The following ASTN1 variants were observed in gnomAD, a reference collection of about 807,000 sequenced individuals.
ASTN1 encodes the protein astrotactin 1.
A neutral mutation model predicts 140.7 loss-of-function variants in ASTN1; 41 were observed. The observed-to-expected ratio is 0.29, with a 90% confidence interval of 0.23 to 0.38. The LOEUF is 0.38. Among genes scored for constraint, ASTN1 ranks in the 10% least tolerant of loss-of-function variants. The pLI is 1.00. For missense variants in ASTN1, 1,479 were observed against 1,678.8 expected, an observed-to-expected ratio of 0.88 and a Z score of 2.08; for synonymous variants, 640 against 652.2, an observed-to-expected ratio of 0.98 and a Z score of 0.29.
intron 2 of ASTN1, among the ~76,000 whole-genome samples, chr1:177,046,344 C>T (rs1005574509): frequency 3.3e-5 from 5 of 152,208 alleles, no homozygotes; most frequent in Non-Finnish European, 5.9e-5. Flanking sequence ...TCACAATTTT[C>T]AGCACTTTAC....
At position 176,863,274 on chromosome 1, in the gene ASTN1, A is replaced by G. The variant is rs1668025055; in HGVS notation, c.*1010T>C. ...GATGAACAGAAGTTTTTTGTGATCA[A>G]TAATAGCTTTAGTTCACTGTAACAC... On this transcript the variant is annotated 3_prime_UTR_variant, in exon 23 of 23. Transcript: ENST00000361833. The G allele has an allele frequency of 3.0e-6, 3 of 985,888 alleles. No individual in the cohort carries two copies. The highest frequency in any genetic ancestry group is 3.6e-6 in the Non-Finnish European group (3 of 829,934). 61.1% of individuals were successfully genotyped at this position (985,888 alleles called of 1,614,324 possible). A position where few individuals can be genotyped will look rare whatever the true frequency, so the allele number is the denominator to read the frequency against.
intron 14 of ASTN1, among the ~76,000 whole-genome samples, chr1:176,942,757 T>C (rs1453314287): frequency 6.9e-6 from 1 of 145,576 alleles, no homozygotes; most frequent in African/African-American, 2.5e-5. Context: ...TCTTAGAGTC[T>C]TCCTGCCTTT....
chr1:177,025,590 C>A (rs1047552438), intron 5 of ASTN1, among the ~76,000 whole-genome samples: 1 of 151,636 alleles, frequency 6.6e-6, no homozygotes, highest in African/African-American at 2.4e-5. Context: ...ATGTGTGGGT[C>A]TTTTGGAATT....
chr1:177,131,307 C>G (rs150208077), intron 1 of ASTN1, among the ~76,000 whole-genome samples: 43 of 152,226 alleles, frequency 2.8e-4, no homozygotes, highest in African/African-American at 1.0e-3. Context: ...AAAAAGAACT[C>G]TGTTATACCA....
chr1:176,919,978 G>A lies in ASTN1; in HGVS notation c.2671+14174C>T, dbSNP rs114528814. On this transcript the variant is annotated intron_variant, in intron 16 of 22. Coordinates refer to ENST00000361833, the MANE Select transcript of ASTN1 (RefSeq NM_004319.3). ...ACATATTTTAACTGGCAGATTTATCGAGAAATTGAGCTGGAGAAATGCTTC... is the reference window on the plus strand; with the variant it reads ...ACATATTTTAACTGGCAGATTTATCAAGAAATTGAGCTGGAGAAATGCTTC... 3.1e-3 allele frequency among the ~76,000 whole-genome samples: 479 copies of A among 152,324 alleles called. 1 individual carries two copies. The highest frequency in any genetic ancestry group is 0.011 in the African/African-American group (460 of 41,544).
chr1:177,148,640 T>A (rs916847353), intron 1 of ASTN1, among the ~76,000 whole-genome samples: 8 of 151,728 alleles, frequency 5.3e-5, no homozygotes, highest in Non-Finnish European at 1.0e-4. Context: ...CTTTTTTTTT[T>A]AATGCACTAG....
intron 22 of ASTN1, among the ~76,000 whole-genome samples, chr1:176,868,572 A>T (rs546787364): frequency 7.2e-4 from 110 of 152,344 alleles, no homozygotes; most frequent in Non-Finnish European, 1.2e-3. Flanking sequence ...TTTGGAATGC[A>T]ATGTCAACAT....
At position 176,934,035 on chromosome 1, in the gene ASTN1, A is replaced by G. The variant is rs7513267; in HGVS notation, c.2671+117T>C. 14,007 of 1,109,908 alleles carry G rather than the reference A, an allele frequency of 0.013. 1,191 individuals are homozygous for G. In the African/African-American group the frequency reaches 0.19, roughly 15 times the overall value. The allele number at this position is 1,109,908 out of a possible 1,614,324, so 68.8% of individuals were successfully genotyped here. A position where few individuals can be genotyped will look rare whatever the true frequency, so the allele number is the denominator to read the frequency against. On this transcript the variant is annotated intron_variant, in intron 16 of 22. Coordinates refer to ENST00000361833, the MANE Select transcript of ASTN1 (RefSeq NM_004319.3). Reference sequence around the variant, plus strand: ...ATGTTACAGATGGGCACAGAGCATTAGGGGAAAATCTGATTGAGTCGTTAC... The same window carrying G: ...ATGTTACAGATGGGCACAGAGCATTGGGGGAAAATCTGATTGAGTCGTTAC...
At chr1:177,155,089 T>C (rs1018395552) in intron 1 of ASTN1, among the ~76,000 whole-genome samples, 3 of 152,154 alleles carry the variant, frequency 2.0e-5, no homozygotes, top group Non-Finnish European at 4.4e-5. Context: ...TGCATGATAT[T>C]AAGGAAAAGA....
chr1:176,860,160 G>T (rs138700617), downstream of ASTN1, among the ~76,000 whole-genome samples: 2 of 152,242 alleles, frequency 1.3e-5, no homozygotes, highest in East Asian at 1.9e-4. Flanking sequence ...GGCCTTTTAC[G>T]ACTTAGGCTT....
At chr1:176,939,397 G>A (rs1028898743) in intron 14 of ASTN1, among the ~76,000 whole-genome samples, 7 of 152,238 alleles carry the variant, frequency 4.6e-5, no homozygotes, top group East Asian at 1.9e-4. Flanking sequence ...CCAAACAACC[G>A]AACTCCATTA....
At chr1:176,947,290 T>C (rs371814081) in intron 12 of ASTN1, among the ~76,000 whole-genome samples, 2 of 152,338 alleles carry the variant, frequency 1.3e-5, no homozygotes, top group South Asian at 2.1e-4. Context: ...TAGCTAGTGT[T>C]CATTAAATAT....
At chr1:176,982,511 A>G (rs1673665024) in intron 8 of ASTN1, among the ~76,000 whole-genome samples, 1 of 152,100 alleles carries the variant, frequency 6.6e-6, no homozygotes. Flanking sequence ...GAGAATTTGC[A>G]TTTATGACAG....
At chr1:176,954,031 A>T (rs1672302090) in intron 11 of ASTN1, among the ~76,000 whole-genome samples, 1 of 152,220 alleles carries the variant, frequency 6.6e-6, no homozygotes, top group Admixed American at 6.5e-5. Context: ...AAGGGTGAAG[A>T]TATCCTGGCT....
chr1:177,130,052 C>T (rs1395354443), intron 1 of ASTN1, among the ~76,000 whole-genome samples: 1 of 152,184 alleles, frequency 6.6e-6, no homozygotes, highest in Non-Finnish European at 1.5e-5. Flanking sequence ...AAAGCTGAGG[C>T]TCAGAAAAGT....
chr1:176,869,141 A>T (rs1354831925), intron 21 of ASTN1, 114 bp from the exon 22 acceptor site: 5 of 672,484 alleles, frequency 7.4e-6, no homozygotes, highest in Non-Finnish European at 8.7e-6. Context: ...AAACATATGT[A>T]GATCATTTAT....
intron 16 of ASTN1, among the ~76,000 whole-genome samples, chr1:176,914,296 G>A (rs535192502): frequency 6.6e-6 from 1 of 152,296 alleles, no homozygotes; most frequent in East Asian, 1.9e-4. Flanking sequence ...TTGGAGGAGA[G>A]AGGACATGAG....
At chr1:177,138,440 T>C (rs906078529) in intron 1 of ASTN1, among the ~76,000 whole-genome samples, 5 of 151,960 alleles carry the variant, frequency 3.3e-5, no homozygotes, top group African/African-American at 1.2e-4. Context: ...TGTGGTAGGG[T>C]GGAGGGGAAG....
rs1205825424 is a variant in ASTN1, at chr1:176,946,131, G to GGA, written c.2055-13_2055-12dup. 6.4e-7 allele frequency: 1 copy of GGA among 1,569,450 alleles called. No homozygotes were observed. Among genetic ancestry groups the GGA allele is most frequent in the South Asian group, 1.2e-5 (1 of 85,714 alleles). On this transcript the variant is annotated splice_polypyrimidine_tract_variant and intron_variant, in intron 12 of 22. Coordinates refer to ENST00000361833, the MANE Select transcript of ASTN1 (RefSeq NM_004319.3). ...TAGTCCTCGATGCACCTAGCACAGA[G>GGA]GAGAGCTCAATATAAGAAGTTATTC...
Sources: allele counts gnomAD v4.1 joint callset (sites outside exome capture counted in the v4.1 genomes callset), GRCh38; gene constraint gnomAD v4.1.1; transcripts MANE v1.5; gene names NCBI Gene and HGNC (gene_info 2026-07-23, HGNC 2026-07-21).